Variants in FNIP1 observed in about 807,000 individuals in gnomAD.
FNIP1 encodes folliculin interacting protein 1, also known as folliculin-interacting protein 1.
In FNIP1, 40 loss-of-function variants were observed where a neutral mutation model predicts 124.5. The observed-to-expected ratio is 0.32, with a 90% confidence interval of 0.25 to 0.42. FNIP1 has a LOEUF of 0.42. Among genes scored for constraint, FNIP1 ranks in the 10% least tolerant of loss-of-function variants. The probability of loss-of-function intolerance (pLI) is 1.00; values close to 1 mark genes in which losing one functional copy is unlikely to be tolerated. For missense variants in FNIP1, 1,176 were observed against 1,403.7 expected (o/e 0.84, Z 2.59); for synonymous variants, 472 against 470.6 (o/e 1.00, Z -0.04).
intron 1 of FNIP1, among the ~76,000 whole-genome samples, chr5:131,773,515 G>T (rs921842745): frequency 6.6e-6 from 1 of 152,058 alleles, no homozygotes; most frequent in Non-Finnish European, 1.5e-5. Flanking sequence ...TAAAATGCAG[G>T]CAACAAACTT....
intron 13 of FNIP1, among the ~76,000 whole-genome samples, chr5:131,676,552 G>A (rs1241966066): frequency 6.6e-6 from 1 of 152,060 alleles, no homozygotes; most frequent in Non-Finnish European, 1.5e-5. Context: ...GAGTCTGGGA[G>A]TTTGAGACCA....
chr5:131,723,160 A>G (rs1215518331), intron 3 of FNIP1, among the ~76,000 whole-genome samples: 1 of 152,160 alleles, frequency 6.6e-6, no homozygotes, highest in Non-Finnish European at 1.5e-5. Flanking sequence ...TTAATGATAA[A>G]ATAGCTATTT....
rs193302052 is a variant in FNIP1 at position 131,758,479 on chromosome 5, A to C, written c.93-13789T>G. On this transcript the variant is annotated intron_variant, in intron 1 of 17. Coordinates refer to ENST00000510461, the MANE Select transcript of FNIP1 (RefSeq NM_133372.3). ...ACTGAAGACAAATGTAAGCCAAATCACTAACAGTGTTAAGTATACCACCAC... is the reference window on the plus strand; with the variant it reads ...ACTGAAGACAAATGTAAGCCAAATCCCTAACAGTGTTAAGTATACCACCAC... Among the ~76,000 whole-genome samples, 475 of 152,328 alleles carry C rather than the reference A, an allele frequency of 3.1e-3. 2 individuals are homozygous for C. Among genetic ancestry groups the C allele is most frequent in the African/African-American group, 0.011 (452 of 41,574 alleles).
At chr5:131,689,507 T>C (rs1768402779) in intron 11 of FNIP1, among the ~76,000 whole-genome samples, 1 of 152,182 alleles carries the variant, frequency 6.6e-6, no homozygotes, top group Non-Finnish European at 1.5e-5. Flanking sequence ...TTAAATTGAA[T>C]GACAGCAATG....
At chr5:131,683,275 A>G (rs1768149493) in intron 11 of FNIP1, among the ~76,000 whole-genome samples, 2 of 152,154 alleles carry the variant, frequency 1.3e-5, no homozygotes, top group Middle Eastern at 3.4e-3. Flanking sequence ...ACCCATGCAC[A>G]TCCTCCTGTA....
chr5:131,670,686 A>C, intron 14 of FNIP1, 55 bp from the exon 15 acceptor site: 1 of 1,286,078 alleles, frequency 7.8e-7, no homozygotes, highest in Non-Finnish European at 1.0e-6. Context: ...ATATTTAACC[A>C]GTAAAAAAAA....
chr5:131,692,789 C>A (rs1768525441), intron 11 of FNIP1, among the ~76,000 whole-genome samples: 1 of 152,020 alleles, frequency 6.6e-6, no homozygotes, highest in Non-Finnish European at 1.5e-5. Context: ...GGGCAGATCG[C>A]TTGAGGCCAG....
intron 5 of FNIP1, among the ~76,000 whole-genome samples, chr5:131,717,292 C>T (rs1769502212): frequency 6.6e-6 from 1 of 152,116 alleles, no homozygotes. Flanking sequence ...CCAGCTTCAT[C>T]CATGTCCCTA....
intron 3 of FNIP1, among the ~76,000 whole-genome samples, chr5:131,724,091 T>G (rs1769769730): frequency 6.6e-6 from 1 of 152,256 alleles, no homozygotes; most frequent in African/African-American, 2.4e-5. Context: ...TGCCACATTT[T>G]CTTTATCCAG....
chr5:131,795,633 G>A (rs1772560324), intron 1 of FNIP1: 1 of 152,066 alleles, frequency 6.6e-6, no homozygotes, highest in Admixed American at 6.5e-5. Context: ...TATTTTTCAG[G>A]GGAAAAGACA....
At chr5:131,691,709 C>T (rs1303054004) in intron 11 of FNIP1, among the ~76,000 whole-genome samples, 1 of 152,120 alleles carries the variant, frequency 6.6e-6, no homozygotes, top group Non-Finnish European at 1.5e-5. Flanking sequence ...TCTATGCCCA[C>T]AAATTTAGAT....
At chr5:131,660,189 G>C (rs1472615532) in intron 15 of FNIP1, among the ~76,000 whole-genome samples, 1 of 152,156 alleles carries the variant, frequency 6.6e-6, no homozygotes, top group African/African-American at 2.4e-5. Flanking sequence ...GGTGGACACA[G>C]TCTTGGTGGT....
chr5:131,751,652 C>T (rs1279841261), intron 1 of FNIP1, among the ~76,000 whole-genome samples: 1 of 150,310 alleles, frequency 6.7e-6, no homozygotes, highest in Non-Finnish European at 1.5e-5. Flanking sequence ...CATGAATAAA[C>T]AAAATGTGGT....
intron 2 of FNIP1, among the ~76,000 whole-genome samples, chr5:131,736,035 C>T (rs1196749665): frequency 7.9e-5 from 12 of 151,930 alleles, no homozygotes; most frequent in Admixed American, 7.9e-4. Context: ...CCAAAGTAAT[C>T]CCTGGCTGGG....
chr5:131,788,019 C>T (rs148594534), intron 1 of FNIP1, among the ~76,000 whole-genome samples: 111 of 152,124 alleles, frequency 7.3e-4, no homozygotes, highest in African/African-American at 2.5e-3. Context: ...GAGGGGAACA[C>T]AGAACACACA....
chr5:131,685,182 C>T (rs1482236392), intron 11 of FNIP1, among the ~76,000 whole-genome samples: 1 of 152,000 alleles, frequency 6.6e-6, no homozygotes, highest in African/African-American at 2.4e-5. Context: ...CCCTTGAGGA[C>T]AAGAGTTCAA....
intron 1 of FNIP1, among the ~76,000 whole-genome samples, chr5:131,764,432 G>C (rs142744959): frequency 6.7e-6 from 1 of 150,342 alleles, no homozygotes; most frequent in African/African-American, 2.5e-5. Context: ...CAGCCTCCCA[G>C]TAGATGGGAC....
At chr5:131,784,652 C>T (rs1772102735) in intron 1 of FNIP1, among the ~76,000 whole-genome samples, 2 of 151,516 alleles carry the variant, frequency 1.3e-5, no homozygotes, top group Admixed American at 6.6e-5. Flanking sequence ...AAGACCCCCC[C>T]ATCTCTACAA....
At chr5:131,719,291 T>TA (rs748063498) in intron 4 of FNIP1, 26 bp downstream of exon 4, 1,757 of 1,490,922 alleles carry the variant, frequency 1.2e-3, no homozygotes, top group Admixed American at 1.3e-3. Context: ...TGGGACTCGT[T>TA]AAAAAAAAAT....
Sources: allele counts gnomAD v4.1 joint callset (sites outside exome capture counted in the v4.1 genomes callset), GRCh38; gene constraint gnomAD v4.1.1; transcripts MANE v1.5; gene names NCBI Gene and HGNC (gene_info 2026-07-23, HGNC 2026-07-21).